The following SEMA3A variants were observed in gnomAD, a reference collection of about 807,000 sequenced individuals.
SEMA3A encodes the protein semaphorin 3A, also known as semaphorin-3A.
Under a neutral mutation model 97.9 loss-of-function variants are expected in SEMA3A, and 29 were observed. That is an observed-to-expected ratio of 0.30 (90% CI 0.22 to 0.40). SEMA3A has a LOEUF of 0.40. Ranked by LOEUF, SEMA3A falls within the 10% of genes least tolerant of loss-of-function variation. SEMA3A has a pLI of 1.00. For synonymous variants in SEMA3A, 321 were observed against 323.7 expected (o/e 0.99, Z 0.09); for missense variants, 763 against 951.3 (o/e 0.80, Z 2.60).
intron 6 of SEMA3A, among the ~76,000 whole-genome samples, chr7:84,036,103 C>T (rs950666459): frequency 1.3e-5 from 2 of 151,954 alleles, no homozygotes; most frequent in Non-Finnish European, 2.9e-5. Flanking sequence ...GAAATCCCCA[C>T]TCTGTAGTTG....
At chr7:84,288,002 C>T (rs1800634298) in intron 3 of SEMA3A, among the ~76,000 whole-genome samples, 1 of 152,110 alleles carries the variant, frequency 6.6e-6, no homozygotes, top group South Asian at 2.1e-4. Flanking sequence ...CATCACTGCA[C>T]CACATGTAGA....
At chr7:84,085,706 T>C (rs1295319294) in intron 4 of SEMA3A, among the ~76,000 whole-genome samples, 3 of 152,208 alleles carry the variant, frequency 2.0e-5, no homozygotes, top group Non-Finnish European at 4.4e-5. Flanking sequence ...TTTATCCTAA[T>C]TTTTTGATAT....
intron 4 of SEMA3A, among the ~76,000 whole-genome samples, chr7:84,066,587 A>G (rs1346883702): frequency 1.3e-5 from 2 of 149,858 alleles, no homozygotes; most frequent in Non-Finnish European, 2.9e-5. Context: ...AGGATACAAA[A>G]TCAATGTACA....
intron 3 of SEMA3A, among the ~76,000 whole-genome samples, chr7:84,271,167 C>T (rs1800143454): frequency 6.6e-6 from 1 of 151,536 alleles, no homozygotes; most frequent in African/African-American, 2.4e-5. Flanking sequence ...TTATAGCTAC[C>T]TCCTCTGATG....
chr7:84,035,451 A>G (rs910441056), intron 6 of SEMA3A, among the ~76,000 whole-genome samples: 12 of 152,066 alleles, frequency 7.9e-5, no homozygotes, highest in African/African-American at 2.9e-4. Flanking sequence ...TGTGTTTATC[A>G]TTGATTAAGA....
At chr7:84,480,987 A>C (rs991411486) in intron 1 of SEMA3A, among the ~76,000 whole-genome samples, 7 of 152,166 alleles carry the variant, frequency 4.6e-5, no homozygotes, top group Non-Finnish European at 8.8e-5. Flanking sequence ...GGAAAAATCT[A>C]AAGTTAGTAA....
At chr7:84,269,103 C>T (rs970935231) in intron 3 of SEMA3A, among the ~76,000 whole-genome samples, 14 of 152,190 alleles carry the variant, frequency 9.2e-5, no homozygotes, top group Non-Finnish European at 1.5e-5. Flanking sequence ...CACTGTGGAT[C>T]AATAAATAGC....
intron 1 of SEMA3A, among the ~76,000 whole-genome samples, chr7:84,448,032 G>A (rs1206170569): frequency 6.6e-6 from 1 of 152,206 alleles, no homozygotes; most frequent in Non-Finnish European, 1.5e-5. Flanking sequence ...TGTGCCCGGT[G>A]TGCCTGGCTG....
rs535307272 is a variant in SEMA3A, at chr7:84,143,102, T to C, written c.113-8151A>G. ...ATTTAACTCCCCATAATGTCTTTCCTGGATTACAGTAATCATCTTCTTACA... is the reference window on the plus strand; with the variant it reads ...ATTTAACTCCCCATAATGTCTTTCCCGGATTACAGTAATCATCTTCTTACA... On this transcript the variant is annotated intron_variant, in intron 1 of 16. Coordinates refer to ENST00000265362, the MANE Select transcript of SEMA3A (RefSeq NM_006080.3). Among the ~76,000 whole-genome samples the C allele has an allele frequency of 1.4e-4, 21 of 152,284 alleles. 1 individual carries two copies. The highest frequency in any genetic ancestry group is 1.4e-3 in the Admixed American group (21 of 15,278).
intron 1 of SEMA3A, among the ~76,000 whole-genome samples, chr7:84,450,823 T>C (rs1368212610): frequency 1.3e-5 from 2 of 152,220 alleles, no homozygotes; most frequent in Admixed American, 6.5e-5. Context: ...GGAATATCTA[T>C]TGAATTCCTC....
rs994156220 is a variant in SEMA3A at position 84,164,562 on chromosome 7, G to A, written c.113-29611C>T. Among the ~76,000 whole-genome samples the A allele has an allele frequency of 6.6e-5, 10 of 152,128 alleles. No individual in the cohort carries two copies. In the South Asian group the frequency reaches 1.2e-3, roughly 19 times the overall value. On this transcript the variant is annotated intron_variant, in intron 1 of 16. Coordinates refer to ENST00000265362, the MANE Select transcript of SEMA3A (RefSeq NM_006080.3). Reference sequence around the variant, plus strand: ...ACAGCAACAACTGCTTTGACTTATGGAATGTTTATATAGGCCACGCAGACC... The same window carrying A: ...ACAGCAACAACTGCTTTGACTTATGAAATGTTTATATAGGCCACGCAGACC...
In SEMA3A at chr7:83,980,623, A is replaced by AATAT. The variant is rs1554383378; in HGVS notation, c.1652+694_1652+697dup. 7.4e-3 allele frequency among the ~76,000 whole-genome samples: 526 copies of AATAT among 71,560 alleles called. 3 individuals are homozygous for AATAT. The highest frequency in any genetic ancestry group is 0.01 in the Middle Eastern group (1 of 98). 46.9% of individuals were successfully genotyped at this position (71,560 alleles called of 152,430 possible). A position where few individuals can be genotyped will look rare whatever the true frequency, so the allele number is the denominator to read the frequency against. ...CATCTCAAAAAAAAAAAAAAAAAAAAATATATATATATATATACACACACA... is the reference window on the plus strand; with the variant it reads ...CATCTCAAAAAAAAAAAAAAAAAAAAATATATATATATATATATATACACACACA... On this transcript the variant is annotated intron_variant, in intron 14 of 16. Transcript: ENST00000265362.
intron 6 of SEMA3A, among the ~76,000 whole-genome samples, chr7:84,040,852 A>G (rs953053056): frequency 6.6e-6 from 1 of 152,142 alleles, no homozygotes; most frequent in Non-Finnish European, 1.5e-5. Context: ...CCTTTGATAT[A>G]AAGAATTGTC....
chr7:84,118,519 T>C (rs1356164839), intron 3 of SEMA3A, among the ~76,000 whole-genome samples: 1 of 152,210 alleles, frequency 6.6e-6, no homozygotes, highest in East Asian at 1.9e-4. Context: ...GGCCACGTTG[T>C]TAGCGTGGGG....
chr7:84,264,816 C>G (rs1162802877), intron 3 of SEMA3A, among the ~76,000 whole-genome samples: 2 of 152,140 alleles, frequency 1.3e-5, no homozygotes, highest in Non-Finnish European at 2.9e-5. Flanking sequence ...AAGACACTGT[C>G]TCCTGTAAGT....
chr7:84,073,863 T>TAAAA (rs57789538), intron 4 of SEMA3A, among the ~76,000 whole-genome samples: 30 of 101,678 alleles, frequency 3.0e-4, no homozygotes, highest in African/African-American at 7.7e-4. Context: ...TAAAAAAAGC[T>TAAAA]AAAAAAAAAA....
At chr7:84,020,449 T>A (rs908084488) in intron 6 of SEMA3A, among the ~76,000 whole-genome samples, 3 of 152,106 alleles carry the variant, frequency 2.0e-5, no homozygotes, top group African/African-American at 7.2e-5. Context: ...TTAGACCCAA[T>A]GCTGCATTTC....
chr7:84,367,838 G>T (rs751868233), intron 2 of SEMA3A, among the ~76,000 whole-genome samples: 8 of 151,052 alleles, frequency 5.3e-5, no homozygotes, highest in Non-Finnish European at 8.9e-5. Context: ...GAATTCTTTG[G>T]AGTGTCAAAA....
chr7:84,250,265 TC>T (rs1010432614), intron 3 of SEMA3A, among the ~76,000 whole-genome samples: 1 of 151,990 alleles, frequency 6.6e-6, no homozygotes, highest in African/African-American at 2.4e-5. Flanking sequence ...TTTTTTTTTT[TC>T]ATCTGTGGTT....
Sources: gnomAD v4.1 joint callset for allele counts (sites outside exome capture counted in the v4.1 genomes callset) on GRCh38, gnomAD v4.1.1 for gene constraint, MANE v1.5 for transcripts, NCBI Gene and HGNC (gene_info 2026-07-23, HGNC 2026-07-21) for gene names.